SUSD4: variants seen among roughly 807,000 people sequenced by gnomAD.
SUSD4 encodes the protein sushi domain-containing protein 4.
A neutral mutation model predicts 50.5 loss-of-function variants in SUSD4; 41 were observed. The observed-to-expected ratio is 0.81, with a 90% CI of 0.63 to 1.05. The LOEUF is 1.05. Ranked by LOEUF, SUSD4 falls within the 50% of genes least tolerant of loss-of-function variation. SUSD4 has a pLI of 0.00. For missense variants in SUSD4, 580 were observed against 634.7 expected (o/e 0.91, Z 0.93); for synonymous variants, 257 against 257.3 (o/e 1.00, Z 0.01).
intron 3 of SUSD4, among the ~76,000 whole-genome samples, chr1:223,286,148 C>T (rs1433903945): frequency 6.6e-6 from 1 of 151,990 alleles, no homozygotes; most frequent in Non-Finnish European, 1.5e-5. Context: ...TGGAGTCTCG[C>T]TCTGTCGCCC....
chr1:223,354,123 C>G (rs1304269031), intron 2 of SUSD4, among the ~76,000 whole-genome samples: 2 of 152,114 alleles, frequency 1.3e-5, no homozygotes, highest in African/African-American at 4.8e-5. Flanking sequence ...TCTCCACCCC[C>G]TCATCATAGG....
intron 5 of SUSD4, among the ~76,000 whole-genome samples, chr1:223,237,039 G>A (rs550037109): frequency 1.3e-5 from 2 of 152,128 alleles, no homozygotes; most frequent in South Asian, 4.1e-4. Flanking sequence ...GAGTTTTGTA[G>A]ATTTCCTCAT....
intron 2 of SUSD4, among the ~76,000 whole-genome samples, chr1:223,297,406 G>A (rs1558226847): frequency 6.6e-6 from 1 of 152,168 alleles, no homozygotes; most frequent in Non-Finnish European, 1.5e-5. Context: ...GAAAAACACT[G>A]GAAAATAAAA....
chr1:223,261,591 T>C (rs1662125608), intron 5 of SUSD4, among the ~76,000 whole-genome samples: 1 of 152,234 alleles, frequency 6.6e-6, no homozygotes, highest in South Asian at 2.1e-4. Context: ...GCTCTCAAAA[T>C]TAATGGTGGC....
At chr1:223,340,622 T>C (rs902991823) in intron 2 of SUSD4, among the ~76,000 whole-genome samples, 1 of 152,210 alleles carries the variant, frequency 6.6e-6, no homozygotes, top group African/African-American at 2.4e-5. Flanking sequence ...TCAGCCTGCT[T>C]TGACAGCTGG....
intron 2 of SUSD4, among the ~76,000 whole-genome samples, chr1:223,293,854 T>G (rs1664657284): frequency 6.6e-6 from 1 of 152,026 alleles, no homozygotes; most frequent in African/African-American, 2.4e-5. Context: ...TGCTCCAAAC[T>G]TGGGACACTT....
intron 2 of SUSD4, among the ~76,000 whole-genome samples, chr1:223,296,186 G>A (rs1354563619): frequency 1.3e-5 from 2 of 152,146 alleles, no homozygotes; most frequent in African/African-American, 4.8e-5. Context: ...GGCAAAGACA[G>A]TGGAATGGAG....
At chr1:223,239,122 G>A (rs1161120102) in intron 5 of SUSD4, among the ~76,000 whole-genome samples, 1 of 151,972 alleles carries the variant, frequency 6.6e-6, no homozygotes, top group Non-Finnish European at 1.5e-5. Flanking sequence ...TATAAAGTCT[G>A]TTCTGTCTGG....
chr1:223,273,944 C>T (rs1663088359), intron 3 of SUSD4, among the ~76,000 whole-genome samples: 1 of 152,126 alleles, frequency 6.6e-6, no homozygotes, highest in African/African-American at 2.4e-5. Context: ...AATAGTTTTC[C>T]TGAGTTCTGT....
rs3738595 is a variant in SUSD4 at position 223,221,946 on chromosome 1, C to T, written c.*246G>A. 274 of 478,594 alleles carry T rather than the reference C, an allele frequency of 5.7e-4. 3 individuals carry two copies. Among genetic ancestry groups the T allele is most frequent in the South Asian group, 5.6e-3 (144 of 25,636 alleles). 29.6% of individuals were successfully genotyped at this position (478,594 alleles called of 1,614,324 possible). ...ATTTAACACCCCTCATCCAAGACCA[C>T]GCGAGGGCTTCCCTGCTGCCCCGGT... On this transcript the variant is annotated 3_prime_UTR_variant, in exon 9 of 9. Coordinates refer to ENST00000366878, the MANE Select transcript of SUSD4 (RefSeq NM_017982.4).
Position 223,280,281 on chromosome 1 carries a change from C to T in SUSD4, c.362-11606G>A, listed in dbSNP as rs903699650. On this transcript the variant is annotated intron_variant, in intron 3 of 8. Coordinates refer to ENST00000366878, the MANE Select transcript of SUSD4 (RefSeq NM_017982.4). The stretch of plus-strand genomic sequence containing the variant: ...TGGGCTAAATGCTCCAATTAAAAGA[C>T]ACAGACTGGCAAATTGGATAAAGAG... Among the ~76,000 whole-genome samples the T allele has an allele frequency of 2.6e-5, 4 of 152,228 alleles. No homozygotes were observed. In the South Asian group the frequency reaches 6.2e-4, roughly 24 times the overall value.
chr1:223,311,721 A>T (rs887148413), intron 2 of SUSD4, among the ~76,000 whole-genome samples: 23 of 152,218 alleles, frequency 1.5e-4, no homozygotes, highest in African/African-American at 5.3e-4. Context: ...TAAATCCTCA[A>T]ACCTCTACAA....
intron 5 of SUSD4, among the ~76,000 whole-genome samples, chr1:223,258,094 C>G (rs137911699): frequency 6.6e-6 from 1 of 152,172 alleles, no homozygotes; most frequent in South Asian, 2.1e-4. Context: ...CTGTGTCTTT[C>G]CTGTTCCCTA....
intron 2 of SUSD4, among the ~76,000 whole-genome samples, chr1:223,298,158 G>T (rs2103169668): frequency 6.6e-6 from 1 of 151,944 alleles, no homozygotes; most frequent in East Asian, 1.9e-4. Context: ...GGGTTGGATT[G>T]GATGGATGGA....
intron 2 of SUSD4, among the ~76,000 whole-genome samples, chr1:223,322,845 T>C (rs1666657168): frequency 6.6e-6 from 1 of 152,260 alleles, no homozygotes; most frequent in Admixed American, 6.5e-5. Context: ...ACAGGCATGG[T>C]ATTTTGAAAA....
rs1396345867 is a variant in SUSD4, at chr1:223,264,801, C to G, written c.553G>C (p.Ala185Pro). 2.5e-6 allele frequency: 4 copies of G among 1,613,756 alleles called. No homozygotes were observed. Among genetic ancestry groups the G allele is most frequent in the Non-Finnish European group, 2.5e-6 (3 of 1,179,884 alleles). Residue 185 changes from alanine to proline, a missense_variant, in exon 5 of 9, where the codon GCC (alanine) becomes CCC (proline). Ala to Pro is a conservative substitution (Grantham distance 27, BLOSUM62 -1). Coordinates refer to ENST00000366878, the MANE Select transcript of SUSD4 (RefSeq NM_017982.4). ...PICQGCLRPL[A>P]SSNGYVNISE... ...ATGTTTACATAGCCATTAGAAGAGG[C>G]TAGAGGTCTCAGGCAGCCTGTGGAA...
chr1:223,290,600 T>G (rs1218591833), intron 3 of SUSD4, among the ~76,000 whole-genome samples: 1 of 152,080 alleles, frequency 6.6e-6, no homozygotes, highest in East Asian at 1.9e-4. Flanking sequence ...AAAGCTGACT[T>G]CCTGCTGCCA....
intron 3 of SUSD4, among the ~76,000 whole-genome samples, chr1:223,278,045 T>C (rs906648232): frequency 3.3e-5 from 5 of 152,192 alleles, no homozygotes; most frequent in African/African-American, 1.2e-4. Flanking sequence ...TAAGTTCTGA[T>C]GCAGGTAGTC....
intron 2 of SUSD4, among the ~76,000 whole-genome samples, chr1:223,339,297 T>C (rs1169312278): frequency 6.6e-6 from 1 of 152,052 alleles, no homozygotes; most frequent in African/African-American, 2.4e-5. Flanking sequence ...GGTTGAACAG[T>C]GAGTCGGAGA....
Sources: allele counts gnomAD v4.1 joint callset (sites outside exome capture counted in the v4.1 genomes callset), GRCh38; gene constraint gnomAD v4.1.1; transcripts MANE v1.5; gene names NCBI Gene and HGNC (gene_info 2026-07-23, HGNC 2026-07-21).